ABI1: variants seen among roughly 807,000 people sequenced by gnomAD.
ABI1 encodes the protein abl interactor 1.
ABI1 carries 14 observed loss-of-function variants against 54.6 expected under a neutral mutation model. That is an observed-to-expected ratio of 0.26 (90% CI 0.17 to 0.40). The LOEUF (loss-of-function observed/expected upper bound fraction) is 0.40. Ranked by LOEUF, ABI1 falls within the 10% of genes least tolerant of loss-of-function variation. The probability of loss-of-function intolerance (pLI) is 1.00; values close to 1 mark genes in which losing one functional copy is unlikely to be tolerated. For missense variants in ABI1, 443 were observed against 598.3 expected (o/e 0.74, Z 2.71); for synonymous variants, 194 against 209.3 (o/e 0.93, Z 0.63).
intron 2 of ABI1, among the ~76,000 whole-genome samples, chr10:26,787,195 T>G (rs954961751): frequency 6.6e-6 from 1 of 152,192 alleles, no homozygotes; most frequent in East Asian, 1.9e-4. Flanking sequence ...CAGTCTGCTC[T>G]CTATGGTGTA....
chr10:26,843,150 T>C (rs770628246), intron 1 of ABI1, among the ~76,000 whole-genome samples: 3 of 151,926 alleles, frequency 2.0e-5, no homozygotes, highest in Non-Finnish European at 2.9e-5. Context: ...ATAGTATCCA[T>C]AGGTCAAAAT....
At chr10:26,848,220 AAAGAAG>A (rs752764818) in intron 1 of ABI1, among the ~76,000 whole-genome samples, 5,648 of 137,956 alleles carry the variant, frequency 0.041, 165 homozygotes, top group East Asian at 0.13. Context: ...AAAAAAAAAA[AAAGAAG>A]AAGAAGAAGA....
At chr10:26,821,662 G>T (rs907094492) in intron 2 of ABI1, among the ~76,000 whole-genome samples, 1 of 152,192 alleles carries the variant, frequency 6.6e-6, no homozygotes, top group African/African-American at 2.4e-5. Flanking sequence ...AGCCAGGCGT[G>T]GTGGCGAGCG....
intron 1 of ABI1, among the ~76,000 whole-genome samples, chr10:26,840,324 C>T (rs1336611556): frequency 6.6e-6 from 1 of 152,200 alleles, no homozygotes; most frequent in Admixed American, 6.5e-5. Flanking sequence ...CCCTTCCCTT[C>T]AGCTACAAGT....
chr10:26,755,468 G>C (rs2132471515), intron 9 of ABI1, among the ~76,000 whole-genome samples, 187 bp downstream of exon 9: 1 of 152,128 alleles, frequency 6.6e-6, no homozygotes, highest in South Asian at 2.1e-4. Context: ...AATTTATATG[G>C]GTCAGTAACC....
At chr10:26,824,932 T>C in intron 1 of ABI1, among the ~76,000 whole-genome samples, 1 of 152,190 alleles carries the variant, frequency 6.6e-6, no homozygotes. Flanking sequence ...GTACTATGTC[T>C]AAAAAAACTA....
intron 6 of ABI1, 90 bp downstream of exon 6, chr10:26,768,762 C>G (rs1195623707): frequency 6.5e-6 from 7 of 1,075,076 alleles, no homozygotes; most frequent in Non-Finnish European, 9.1e-6. Context: ...AGAGTGGCAC[C>G]TCACCTTTAC....
chr10:26,773,620 A>G (rs752490162), intron 3 of ABI1, among the ~76,000 whole-genome samples: 3 of 152,228 alleles, frequency 2.0e-5, no homozygotes, highest in Non-Finnish European at 4.4e-5. Context: ...TGTTTTAAAA[A>G]AATTAATCAG....
At chr10:26,832,488 G>A (rs923484261) in intron 1 of ABI1, among the ~76,000 whole-genome samples, 1 of 152,068 alleles carries the variant, frequency 6.6e-6, no homozygotes, top group Non-Finnish European at 1.5e-5. Context: ...GGAGGCTGAG[G>A]CAGAAGAATG....
intron 2 of ABI1, among the ~76,000 whole-genome samples, chr10:26,791,355 C>T (rs575519252): frequency 4.5e-4 from 69 of 152,122 alleles, no homozygotes; most frequent in Non-Finnish European, 3.7e-4. Flanking sequence ...TGGAAAAAAA[C>T]TTAAATGGTC....
At chr10:26,800,375 A>C (rs112246195) in intron 2 of ABI1, among the ~76,000 whole-genome samples, 2 of 152,152 alleles carry the variant, frequency 1.3e-5, no homozygotes, top group African/African-American at 4.8e-5. Context: ...AAAGAGTGAG[A>C]CTGTGTCTCA....
chr10:26,816,020 A>C (rs2047540292), intron 2 of ABI1, among the ~76,000 whole-genome samples: 1 of 152,264 alleles, frequency 6.6e-6, no homozygotes. Flanking sequence ...ACAGATGAGC[A>C]TCATTACTGG....
At chr10:26,826,071 T>G (rs997623178) in intron 1 of ABI1, among the ~76,000 whole-genome samples, 1 of 152,234 alleles carries the variant, frequency 6.6e-6, no homozygotes, top group African/African-American at 2.4e-5. Context: ...CCTAATGGCA[T>G]CCAGAATGGT....
Position 26,821,529 on chromosome 10 carries a change from C to T in ABI1, c.285+1609G>A, listed in dbSNP as rs116863176. Among the ~76,000 whole-genome samples the T allele has an allele frequency of 7.2e-3, 1,089 of 152,136 alleles. 8 individuals are homozygous for T. The highest frequency in any genetic ancestry group is 9.5e-3 in the Non-Finnish European group (645 of 67,992). The stretch of plus-strand genomic sequence containing the variant: ...AATAAGAGATTAGGCAGGGTGCTGT[C>T]GCTCAAGCATGTAATCCCAACACTT... On this transcript the variant is annotated intron_variant, in intron 2 of 10. Coordinates refer to ENST00000376140, the MANE Select transcript of ABI1 (RefSeq NM_001012750.3).
chr10:26,776,991 T>G, intron 3 of ABI1, 74 bp downstream of exon 3: 2 of 1,264,690 alleles, frequency 1.6e-6, no homozygotes, highest in Non-Finnish European at 2.2e-6. Context: ...AAATCATCTT[T>G]ATGACAATAT....
intron 1 of ABI1, among the ~76,000 whole-genome samples, chr10:26,838,999 A>T (rs1215880209): frequency 6.6e-5 from 10 of 152,236 alleles, no homozygotes; most frequent in African/African-American, 2.2e-4. Flanking sequence ...ATACCGCATG[A>T]ATTTTAATTC....
intron 1 of ABI1, among the ~76,000 whole-genome samples, chr10:26,843,160 T>G (rs1187170134): frequency 6.6e-6 from 1 of 151,662 alleles, no homozygotes; most frequent in Non-Finnish European, 1.5e-5. Flanking sequence ...TAGGTCAAAA[T>G]ATCTTGGTGG....
intron 2 of ABI1, among the ~76,000 whole-genome samples, chr10:26,809,339 C>T (rs2047075940): frequency 6.6e-6 from 1 of 151,686 alleles, no homozygotes. Context: ...AGAAGGATCA[C>T]TTGAACCCAA....
chr10:26,850,657 C>CAAAAA (rs560840432), intron 1 of ABI1, among the ~76,000 whole-genome samples: 6 of 101,458 alleles, frequency 5.9e-5, no homozygotes, highest in Non-Finnish European at 6.7e-5. Flanking sequence ...GACTCCGTCT[C>CAAAAA]AAAAAAAAAA....
Sources: allele counts gnomAD v4.1 joint callset (sites outside exome capture counted in the v4.1 genomes callset), GRCh38; gene constraint gnomAD v4.1.1; transcripts MANE v1.5; gene names NCBI Gene and HGNC (gene_info 2026-07-23, HGNC 2026-07-21).